PTPRS: variants seen among roughly 807,000 people sequenced by gnomAD.
The protein encoded by PTPRS is receptor-type tyrosine-protein phosphatase S.
A neutral mutation model predicts 215.3 loss-of-function variants in PTPRS; 63 were observed. The observed-to-expected ratio is 0.29, with a 90% CI of 0.24 to 0.36. The LOEUF is 0.36. Among genes scored for constraint, PTPRS ranks in the 10% least tolerant of loss-of-function variants. The pLI is 1.00. For synonymous variants in PTPRS, 1,404 were observed against 1,191.4 expected (o/e 1.18, Z -3.68); for missense variants, 2,258 against 2,825.8 (o/e 0.80, Z 4.56).
chr19:5,244,216 T>C lies in PTPRS; in HGVS notation c.1255A>G (p.Thr419Ala), dbSNP rs1468015377. Reference protein sequence around the residue: ...GQGPPSESVVTRTGEQAPASA... With the variant: ...GQGPPSESVVARTGEQAPASA... ...GCCGGGGCCTGCTCGCCTGTGCGGG[T>C]GACCACGGACTCGCTGGGGGGCCCC... Residue 419 changes from threonine (T) to alanine (A), a missense_variant, in exon 11 of 38, where the codon ACC becomes GCC. Thr to Ala is a moderately conservative substitution (Grantham distance 58). Transcript: ENST00000262963. The surrounding 1 kb of genome is among the most constrained non-coding windows in gnomAD (Gnocchi z 7.2). 3.7e-6 allele frequency: 6 copies of C among 1,609,054 alleles called. No homozygotes were observed. In the South Asian group the frequency reaches 4.4e-5, roughly 12 times the overall value.
rs10527451 is a variant in PTPRS at position 5,272,595 on chromosome 19, CAAAAAAAAAAAAAAAAAAAAAAA to C, written c.379+824_379+846del. On this transcript the variant is annotated intron_variant, in intron 4 of 37. Coordinates refer to ENST00000262963, the MANE Select transcript of PTPRS (RefSeq NM_002850.4). Reference sequence around the variant, plus strand: ...CCAGCGCAACAAAGCAAGACTGTCTCAAAAAAAAAAAAAAAAAAAAAAAAAAAAAAAAAAAAAAAAAAGAATTG... The same window carrying C: ...CCAGCGCAACAAAGCAAGACTGTCTCAAAAAAAAAAAAAAAAAAAGAATTG... 3.9e-4 allele frequency among the ~76,000 whole-genome samples: 29 copies of C among 73,444 alleles called. 1 individual carries two copies. Among genetic ancestry groups the C allele is most frequent in the South Asian group, 6.3e-4 (1 of 1,578 alleles). 48.2% of individuals were successfully genotyped at this position (73,444 alleles called of 152,430 possible). A position where few individuals can be genotyped will look rare whatever the true frequency, so the allele number is the denominator to read the frequency against.
intron 1 of PTPRS, among the ~76,000 whole-genome samples, chr19:5,288,800 C>A (rs4807708): frequency 1.3e-5 from 2 of 152,146 alleles, no homozygotes; most frequent in African/African-American, 4.8e-5. Context: ...CCACATCCCA[C>A]GAGGACCTCA....
In PTPRS at chr19:5,215,338, G is replaced by T. The variant is rs923216503; in HGVS notation, c.4269C>A (p.Ala1423=). The change falls in exon 28 of 38, where the codon GCC becomes GCA. Residue 1423 remains alanine, a synonymous_variant. Coordinates refer to ENST00000262963, the MANE Select transcript of PTPRS (RefSeq NM_002850.4). ...GGGAGTGGTCATAGGCGATGACGTT[G>T]GCATAGCGGTTCTTCGGCTTGTTCA... The part of the protein sequence containing the change: ...LEVNKPKNRY[A]NVIAYDHSRV... The T allele has an allele frequency of 6.2e-7, 1 of 1,614,020 alleles. No individual in the cohort carries two copies. Among genetic ancestry groups the T allele is most frequent in the African/African-American group, 1.3e-5 (1 of 74,940 alleles).
chr19:5,207,418 T>C (rs2040463406), intron 37 of PTPRS, among the ~76,000 whole-genome samples: 1 of 152,088 alleles, frequency 6.6e-6, no homozygotes, highest in South Asian at 2.1e-4. Flanking sequence ...ATGGGGTCTT[T>C]CTGTGTTGCC....
chr19:5,255,165 G>A (rs2045452019), intron 9 of PTPRS, among the ~76,000 whole-genome samples: 1 of 152,198 alleles, frequency 6.6e-6, no homozygotes, highest in Non-Finnish European at 1.5e-5. Flanking sequence ...CTGCCTGGAG[G>A]CAGGGAGCTG....
intron 1 of PTPRS, among the ~76,000 whole-genome samples, chr19:5,316,683 G>A (rs777518820): frequency 8.6e-5 from 13 of 151,532 alleles, no homozygotes; most frequent in Non-Finnish European, 1.8e-4. Context: ...ATGAGCCACC[G>A]CGCCTGGCCT....
intron 2 of PTPRS, among the ~76,000 whole-genome samples, chr19:5,275,964 C>T (rs2047325989): frequency 1.3e-5 from 2 of 152,156 alleles, no homozygotes; most frequent in Non-Finnish European, 2.9e-5. Flanking sequence ...AATCCTCCCA[C>T]TTCAGCCTCC....
At chr19:5,277,016 A>T (rs1057271385) in intron 2 of PTPRS, among the ~76,000 whole-genome samples, 6 of 151,320 alleles carry the variant, frequency 4.0e-5, no homozygotes, top group Admixed American at 4.0e-4. Flanking sequence ...TAATGTTACA[A>T]TGTATCCCCT....
Position 5,233,946 on chromosome 19 carries a change from CAAAAAAAAAAAA to C in PTPRS, c.1850-2343_1850-2332del, listed in dbSNP as rs57529862. Among the ~76,000 whole-genome samples, 93 of 27,764 alleles carry C rather than the reference CAAAAAAAAAAAA, an allele frequency of 3.3e-3. 1 individual carries two copies. Among genetic ancestry groups the C allele is most frequent in the South Asian group, 8.8e-3 (2 of 226 alleles). The allele number at this position is 27,764 out of a possible 152,430, so 18.2% of individuals were successfully genotyped here. On this transcript the variant is annotated intron_variant, in intron 13 of 37. Transcript: ENST00000262963. ...GGGCAACAGGGCAAGACTCCATCTC[CAAAAAAAAAAAA>C]AAAAAAAAAAAAAAAAAAATCTATA... is the stretch of plus-strand genomic sequence containing the variant.
In PTPRS at chr19:5,206,596, C is replaced by A. The variant is rs528114643; in HGVS notation, c.*178G>T. 3 of 547,920 alleles carry A rather than the reference C, an allele frequency of 5.5e-6. No homozygotes were observed. Among genetic ancestry groups the A allele is most frequent in the East Asian group, 6.6e-5 (2 of 30,234 alleles). 33.9% of individuals were successfully genotyped at this position (547,920 alleles called of 1,614,324 possible). A position where few individuals can be genotyped will look rare whatever the true frequency, so the allele number is the denominator to read the frequency against. On this transcript the variant is annotated 3_prime_UTR_variant, in exon 38 of 38. Transcript: ENST00000262963. ...GGTGCCAGGGAGGTCGCTGGGGCGG[C>A]CGGGGCCGGTGGGGGGGCTCGAGGG...
intron 1 of PTPRS, among the ~76,000 whole-genome samples, chr19:5,328,181 A>G (rs1480619078): frequency 1.3e-5 from 2 of 152,054 alleles, no homozygotes; most frequent in Non-Finnish European, 2.9e-5. Flanking sequence ...CAATGGCACA[A>G]TCTTGGCTCA....
intron 13 of PTPRS, among the ~76,000 whole-genome samples, chr19:5,234,787 ATAG>A (rs1340605525): frequency 6.6e-6 from 1 of 152,066 alleles, no homozygotes; most frequent in African/African-American, 2.4e-5. Context: ...TCAGAAAACG[ATAG>A]TAGTCACCAC....
chr19:5,214,433 G>C lies in PTPRS; in HGVS notation c.4542C>G (p.Gly1514=), dbSNP rs2041226785. The change falls in exon 30 of 38, where the codon GGC becomes GGG. Residue 1514 remains glycine (G), a synonymous_variant. Coordinates refer to ENST00000262963, the MANE Select transcript of PTPRS (RefSeq NM_002850.4). ...TATCTAGCAACGTGACCTGGATGAA[G>C]CCGTAGGTCTCCGTGCCTCTGTTGG... ...YWPNRGTETY[G]FIQVTLLDTI... 1 of 1,614,058 alleles carries C rather than the reference G, an allele frequency of 6.2e-7. No homozygotes were observed. Among genetic ancestry groups the C allele is most frequent in the African/African-American group, 1.3e-5 (1 of 74,946 alleles).
intron 11 of PTPRS, among the ~76,000 whole-genome samples, chr19:5,241,809 ACT>A (rs2044063125): frequency 1.3e-5 from 2 of 151,948 alleles, no homozygotes; most frequent in Non-Finnish European, 2.9e-5. Context: ...AGGGAGGGAG[ACT>A]GGCCCACTGC....
At chr19:5,331,022 C>T (rs1217313347) in intron 1 of PTPRS, among the ~76,000 whole-genome samples, 6 of 151,338 alleles carry the variant, frequency 4.0e-5, no homozygotes, top group African/African-American at 1.2e-4. Context: ...TCTGGCCCCG[C>T]GAGACGTCAG....
intron 1 of PTPRS, among the ~76,000 whole-genome samples, chr19:5,302,648 G>A (rs543553321): frequency 5.3e-5 from 8 of 152,294 alleles, no homozygotes; most frequent in South Asian, 2.1e-4. Flanking sequence ...CTTCCCTGAC[G>A]TGTTAGGAGC....
intron 2 of PTPRS, among the ~76,000 whole-genome samples, chr19:5,280,120 G>A (rs780478414): frequency 6.6e-6 from 1 of 152,224 alleles, no homozygotes; most frequent in African/African-American, 2.4e-5. Flanking sequence ...CTTGAGCAAC[G>A]CTAGGACTTT....
chr19:5,302,853 C>G (rs1430168004), intron 1 of PTPRS, among the ~76,000 whole-genome samples: 11 of 146,178 alleles, frequency 7.5e-5, no homozygotes, highest in African/African-American at 2.3e-4. Flanking sequence ...GTCAGGAGAT[C>G]GAGACGATCC....
Position 5,212,410 on chromosome 19 carries a change from G to T in PTPRS, c.4696C>A (p.Pro1566Thr). 6.2e-7 allele frequency: 1 copy of T among 1,605,820 alleles called. No individual in the cohort carries two copies. The highest frequency in any genetic ancestry group is 8.5e-7 in the Non-Finnish European group (1 of 1,176,146). Reference sequence around the variant, plus strand: ...ACTCTCCGCAGGAAAGCCAGGAAGGGCGTTGGGTATTCGGGCACGCCATGG... The same window carrying T: ...ACTCTCCGCAGGAAAGCCAGGAAGGTCGTTGGGTATTCGGGCACGCCATGG... ...PDHGVPEYPT[P>T]FLAFLRRVKT... The change falls in exon 31 of 38, where the codon CCC becomes ACC. Residue 1566 changes from proline (P) to threonine (T), a missense_variant. Transcript: ENST00000262963.
Sources: allele counts gnomAD v4.1 joint callset (sites outside exome capture counted in the v4.1 genomes callset), GRCh38; gene constraint gnomAD v4.1.1; non-coding constraint Gnocchi (gnomAD v3.1); transcripts MANE v1.5; gene names NCBI Gene and HGNC (gene_info 2026-07-23, HGNC 2026-07-21).